Variants in SCMH1 observed in about 807,000 individuals in gnomAD.
SCMH1 encodes polycomb protein SCMH1.
Under a neutral mutation model 70.8 loss-of-function variants are expected in SCMH1, and 37 were observed. The observed-to-expected ratio is 0.52, with a 90% CI of 0.40 to 0.69. SCMH1 has a LOEUF of 0.69. Ranked by LOEUF, SCMH1 falls within the 30% of genes least tolerant of loss-of-function variation. The probability of loss-of-function intolerance (pLI) is 0.00; values close to 1 mark genes in which losing one functional copy is unlikely to be tolerated. For missense variants in SCMH1, 607 were observed against 827.3 expected (o/e 0.73, Z 3.27); for synonymous variants, 292 against 307.4 (o/e 0.95, Z 0.52).
At chr1:41,209,615 C>A (rs1358022251) in intron 1 of SCMH1, among the ~76,000 whole-genome samples, 1 of 152,190 alleles carries the variant, frequency 6.6e-6, no homozygotes, top group African/African-American at 2.4e-5. Flanking sequence ...TCGACAAAAA[C>A]CACATGATTA....
intron 8 of SCMH1, among the ~76,000 whole-genome samples, chr1:41,081,918 T>C (rs1660154161): frequency 6.6e-6 from 1 of 152,168 alleles, no homozygotes; most frequent in South Asian, 2.1e-4. Flanking sequence ...TATAGTCATC[T>C]GATTTATGAT....
chr1:41,086,559 C>T (rs980444639), intron 8 of SCMH1, among the ~76,000 whole-genome samples: 3 of 151,946 alleles, frequency 2.0e-5, no homozygotes, highest in East Asian at 3.9e-4. Flanking sequence ...ACTGCCCCTG[C>T]CCTGCCCTGC....
chr1:41,131,712 C>A (rs1441372534), intron 6 of SCMH1, among the ~76,000 whole-genome samples: 3 of 152,248 alleles, frequency 2.0e-5, no homozygotes, highest in East Asian at 3.9e-4. Flanking sequence ...CAGCCTCCCA[C>A]CCCCCAGCAG....
At chr1:41,054,117 T>C (rs1445927608) in intron 10 of SCMH1, among the ~76,000 whole-genome samples, 1 of 152,142 alleles carries the variant, frequency 6.6e-6, no homozygotes, top group Non-Finnish European at 1.5e-5. Context: ...GTGCTGGGAT[T>C]ACAGGTGTGA....
intron 2 of SCMH1, among the ~76,000 whole-genome samples, chr1:41,167,993 C>T (rs1557719641): frequency 6.7e-6 from 1 of 148,258 alleles, no homozygotes; most frequent in Non-Finnish European, 1.5e-5. Context: ...GCTGTGAAAT[C>T]CACTGCTGGC....
intron 1 of SCMH1, among the ~76,000 whole-genome samples, chr1:41,192,887 T>C (rs1375279056): frequency 6.6e-6 from 1 of 152,134 alleles, no homozygotes. Context: ...AGAGCAGGGG[T>C]TGGCAAACTT....
At chr1:41,060,685 C>T (rs924629433) in intron 10 of SCMH1, among the ~76,000 whole-genome samples, 5 of 152,044 alleles carry the variant, frequency 3.3e-5, no homozygotes, top group Non-Finnish European at 5.9e-5. Context: ...CACTCTGTCA[C>T]CTAGGTTAGA....
intron 10 of SCMH1, among the ~76,000 whole-genome samples, chr1:41,057,166 T>C (rs553186170): frequency 2.0e-5 from 3 of 152,314 alleles, no homozygotes; most frequent in Admixed American, 6.5e-5. Context: ...CAAAGGCTCA[T>C]TGAAAGACTG....
At chr1:41,165,731 G>A (rs1376679651) in intron 2 of SCMH1, among the ~76,000 whole-genome samples, 1 of 151,722 alleles carries the variant, frequency 6.6e-6, no homozygotes, top group African/African-American at 2.4e-5. Context: ...TTTTAACAGG[G>A]CTGTTTTCTT....
chr1:41,121,968 C>G (rs868803408), intron 6 of SCMH1, among the ~76,000 whole-genome samples: 1 of 152,110 alleles, frequency 6.6e-6, no homozygotes, highest in Non-Finnish European at 1.5e-5. Context: ...TATGCTAGAT[C>G]GACCCACATT....
intron 12 of SCMH1, chr1:41,041,485 G>A (rs1272283093): frequency 6.6e-6 from 1 of 152,158 alleles, no homozygotes; most frequent in Non-Finnish European, 1.5e-5. Context: ...ACAGTATCAG[G>A]TGCATCTCTT....
intron 10 of SCMH1, among the ~76,000 whole-genome samples, chr1:41,066,507 T>C (rs1654642373): frequency 6.6e-6 from 1 of 152,188 alleles, no homozygotes; most frequent in South Asian, 2.1e-4. Context: ...TGATTGTCTA[T>C]ATACTCTTTT....
chr1:41,044,999 A>T (rs764209915), intron 12 of SCMH1, among the ~76,000 whole-genome samples: 2 of 152,196 alleles, frequency 1.3e-5, no homozygotes, highest in African/African-American at 2.4e-5. Flanking sequence ...AGCTACATTC[A>T]TGGATGTGCT....
intron 1 of SCMH1, among the ~76,000 whole-genome samples, chr1:41,219,558 TG>T (rs1658793638): frequency 6.6e-6 from 1 of 152,172 alleles, no homozygotes; most frequent in Admixed American, 6.5e-5. Context: ...TCAGAATAGT[TG>T]GGGTTAAAAC....
intron 1 of SCMH1, among the ~76,000 whole-genome samples, chr1:41,238,418 A>C (rs1465660040): frequency 6.6e-6 from 1 of 152,206 alleles, no homozygotes; most frequent in African/African-American, 2.4e-5. Flanking sequence ...GCTTCCAGGA[A>C]GGAAAAGTAA....
chr1:41,213,376 G>GT (rs1657447491), intron 1 of SCMH1, among the ~76,000 whole-genome samples: 1 of 152,070 alleles, frequency 6.6e-6, no homozygotes, highest in Admixed American at 6.5e-5. Context: ...TCAGGACATG[G>GT]TAATCCCCAA....
intron 2 of SCMH1, among the ~76,000 whole-genome samples, chr1:41,173,488 A>G (rs1382562992): frequency 6.6e-6 from 1 of 152,210 alleles, no homozygotes; most frequent in East Asian, 1.9e-4. Context: ...ATGTGGAGAA[A>G]GGAGAACTCT....
chr1:41,052,361 G>A (rs780186027), intron 10 of SCMH1, among the ~76,000 whole-genome samples: 20 of 152,190 alleles, frequency 1.3e-4, no homozygotes, highest in Admixed American at 3.3e-4. Context: ...TGTAAACTGC[G>A]CATGCAACGG....
At chr1:41,112,423 C>T (rs1214214674) in intron 8 of SCMH1, among the ~76,000 whole-genome samples, 1 of 152,096 alleles carries the variant, frequency 6.6e-6, no homozygotes, top group East Asian at 1.9e-4. Context: ...AAAGCAGCTA[C>T]CTCAAAATCT....
Sources: gnomAD v4.1 joint callset for allele counts (sites outside exome capture counted in the v4.1 genomes callset) on GRCh38, gnomAD v4.1.1 for gene constraint, MANE v1.5 for transcripts, NCBI Gene and HGNC (gene_info 2026-07-23, HGNC 2026-07-21) for gene names.